The following DOCK6 variants were observed in gnomAD, a reference collection of about 807,000 sequenced individuals.
The protein encoded by DOCK6 is dedicator of cytokinesis protein 6.
In DOCK6, 167 loss-of-function variants were observed where a neutral mutation model predicts 230.3. That is an observed-to-expected ratio of 0.73 (90% CI 0.64 to 0.82). DOCK6 has a LOEUF of 0.82. DOCK6 is among the 40% of genes least tolerant of loss of function. The pLI is 0.00. For missense variants in DOCK6, 2,598 were observed against 2,825.8 expected, an observed-to-expected ratio of 0.92 and a Z score of 1.83; for synonymous variants, 1,148 against 1,185.0, an observed-to-expected ratio of 0.97 and a Z score of 0.64.
Position 11,211,973 on chromosome 19 carries a change from G to A in DOCK6, c.4650+20C>T, listed in dbSNP as rs568939018. On this transcript the variant is annotated intron_variant, in intron 36 of 47. Coordinates refer to ENST00000294618, the MANE Select transcript of DOCK6 (RefSeq NM_020812.4). ...GAGTTATATGAAGGGGAGGCGGGGC[G>A]GGGACCCAGCAGGTGTCACCTGCTC... The A allele has an allele frequency of 2.2e-5, 35 of 1,589,054 alleles. No homozygotes were observed. The highest frequency in any genetic ancestry group is 1.9e-4 in the South Asian group (17 of 88,764).
At chr19:11,237,223 G>C (rs1032307075) in intron 18 of DOCK6, 4 of 608,696 alleles carry the variant, frequency 6.6e-6, no homozygotes, top group Non-Finnish European at 8.8e-6. Flanking sequence ...CAGTGATCAG[G>C]AAGGCAGTCA....
chr19:11,219,328 C>T (rs1014406409), intron 28 of DOCK6, among the ~76,000 whole-genome samples: 4 of 150,560 alleles, frequency 2.7e-5, no homozygotes, highest in Admixed American at 6.6e-5. Flanking sequence ...GGATTACAGG[C>T]ATGCAGCATC....
chr19:11,252,590 T>C, intron 3 of DOCK6, 40 bp from the exon 4 acceptor site: 2 of 1,612,802 alleles, frequency 1.2e-6, no homozygotes, highest in South Asian at 2.2e-5. Context: ...AGACAAGGCC[T>C]CTGTGAATCC....
Position 11,202,283 on chromosome 19 carries a change from G to C in DOCK6, c.5451+111C>G. The C allele has an allele frequency of 7.0e-7, 1 of 1,437,642 alleles. No individual in the cohort carries two copies. Among genetic ancestry groups the C allele is most frequent in the South Asian group, 1.2e-5 (1 of 80,218 alleles). The allele number at this position is 1,437,642 out of a possible 1,614,324, so 89.1% of individuals were successfully genotyped here. A position where few individuals can be genotyped will look rare whatever the true frequency, so the allele number is the denominator to read the frequency against. On this transcript the variant is annotated intron_variant, in intron 43 of 47. Transcript: ENST00000294618. This position sits in a 1 kb window ranked among gnomAD's most constrained non-coding sequence, Gnocchi z 5.3. ...GAGGAATAGGTTTTGGGGTCCCTCA[G>C]TGAAATATGATTTGGGGTTTCCCAG...
chr19:11,237,536 C>G lies in DOCK6; in HGVS notation c.1993G>C (p.Gly665Arg). 1 of 1,575,510 alleles carries G rather than the reference C, an allele frequency of 6.3e-7. No homozygotes were observed. Among genetic ancestry groups the G allele is most frequent in the Non-Finnish European group, 8.6e-7 (1 of 1,158,360 alleles). The change falls in exon 18 of 48, where the codon GGG becomes CGG. Residue 665 changes from glycine (G) to arginine (R), a missense_variant. Physicochemically the swap from Gly to Arg is moderately radical, Grantham distance 125 (BLOSUM62 -2). Coordinates refer to ENST00000294618, the MANE Select transcript of DOCK6 (RefSeq NM_020812.4). ...CAGAAGGGGCCGGTCCTCAGGCGCCCGTGCTGCAGCAGTGGGATCCACTGG... is the reference window on the plus strand; with the variant it reads ...CAGAAGGGGCCGGTCCTCAGGCGCCGGTGCTGCAGCAGTGGGATCCACTGG... Reference protein sequence around the residue: ...GFTWIPLLQHGRLRTGPFCLP... With the variant: ...GFTWIPLLQHRRLRTGPFCLP...
intron 39 of DOCK6, among the ~76,000 whole-genome samples, chr19:11,207,243 G>T (rs2079277900): frequency 6.6e-6 from 1 of 151,990 alleles, no homozygotes; most frequent in Non-Finnish European, 1.5e-5. Context: ...ACATAGGTTG[G>T]AGTACAGTGG....
intron 14 of DOCK6, chr19:11,238,609 G>T (rs2079889654): frequency 5.9e-6 from 2 of 341,278 alleles, no homozygotes; most frequent in East Asian, 5.2e-5. Flanking sequence ...AGAAGGCAGA[G>T]AATAGCGAGG....
At chr19:11,245,963 G>A in intron 7 of DOCK6, 85 bp from the exon 8 acceptor site, 27 of 1,467,644 alleles carry the variant, frequency 1.8e-5, no homozygotes, top group Non-Finnish European at 2.5e-5. Flanking sequence ...CCAAGGTGGG[G>A]GGCATCTGAC....
At chr19:11,238,539 G>A (rs2079888540) in intron 14 of DOCK6, 2 of 534,492 alleles carry the variant, frequency 3.7e-6, no homozygotes, top group South Asian at 2.3e-5. Context: ...TGGGAACAGT[G>A]TGGTAGAGGG....
At position 11,251,058 on chromosome 19, in the gene DOCK6, G is replaced by A. The variant is rs778304629; in HGVS notation, c.536C>T (p.Pro179Leu). 20 of 1,612,624 alleles carry A rather than the reference G, an allele frequency of 1.2e-5. No individual in the cohort carries two copies. The highest frequency in any genetic ancestry group is 4.5e-5 in the East Asian group (2 of 44,814). Reference protein sequence around the residue: ...SNDSRRGSGSPEDTPRSSGAS... With the variant: ...SNDSRRGSGSLEDTPRSSGAS... ...ACCACTGCTTCGAGGGGTGTCTTCC[G>A]GGGAGCCCGAGCCACGCCGGGAGTC... The change falls in exon 6 of 48, where the codon CCG (proline) becomes CTG (leucine). Residue 179 changes from proline (P) to leucine (L), a missense_variant. By Grantham distance (98) the Pro-to-Leu change is moderately conservative (BLOSUM62 -3). Transcript: ENST00000294618.
Position 11,201,748 on chromosome 19 carries a change from G to T in DOCK6, c.5688+141C>A. On this transcript the variant is annotated intron_variant, in intron 44 of 47. Coordinates refer to ENST00000294618, the MANE Select transcript of DOCK6 (RefSeq NM_020812.4). The surrounding 1 kb of genome is among the most constrained non-coding windows in gnomAD (Gnocchi z 4.3). Reference sequence around the variant, plus strand: ...TCCCCTCCCTGGGGATCTGGTCTAGGGTCCCTGTGCCACCCCTCTCTGGGT... The same window carrying T: ...TCCCCTCCCTGGGGATCTGGTCTAGTGTCCCTGTGCCACCCCTCTCTGGGT... 1.3e-6 allele frequency: 1 copy of T among 777,040 alleles called. No homozygotes were observed. The highest frequency in any genetic ancestry group is 2.1e-6 in the Non-Finnish European group (1 of 486,484). 48.1% of individuals were successfully genotyped at this position (777,040 alleles called of 1,614,324 possible). A position where few individuals can be genotyped will look rare whatever the true frequency, so the allele number is the denominator to read the frequency against.
In DOCK6 at chr19:11,208,892, C is replaced by T. The variant is rs893902663; in HGVS notation, c.4944+19G>A. 6.3e-7 allele frequency: 1 copy of T among 1,596,882 alleles called. No individual in the cohort carries two copies. Among genetic ancestry groups the T allele is most frequent in the Admixed American group, 1.7e-5 (1 of 59,660 alleles). ...CTGCACTCGTGCCGTCCGCCACCTGCCAACCCCTGGCCACTCACCTGGAAG... is the reference window on the plus strand; with the variant it reads ...CTGCACTCGTGCCGTCCGCCACCTGTCAACCCCTGGCCACTCACCTGGAAG... On this transcript the variant is annotated intron_variant, in intron 38 of 47. Coordinates refer to ENST00000294618, the MANE Select transcript of DOCK6 (RefSeq NM_020812.4).
rs538681228 is a variant in DOCK6 at position 11,250,962 on chromosome 19, G to A, written c.632C>T (p.Ala211Val). The change falls in exon 6 of 48, where the codon GCC (alanine) becomes GTC (valine). Residue 211 changes from alanine to valine, a missense_variant. Ala to Val is a moderately conservative substitution (Grantham distance 64). Transcript: ENST00000294618. ...SLLPSLLERA[A>V]PEDVDRRNET... ...ATTGCGCCGGTCCACATCTTCTGGGGCCGCCCGCTCTAGCAGAGAGGGCAG... is the reference window on the plus strand; with the variant it reads ...ATTGCGCCGGTCCACATCTTCTGGGACCGCCCGCTCTAGCAGAGAGGGCAG... 1.1e-5 allele frequency: 17 copies of A among 1,613,770 alleles called. No individual in the cohort carries two copies. The highest frequency in any genetic ancestry group is 6.7e-5 in the Admixed American group (4 of 60,016).
At position 11,208,728 on chromosome 19, in the gene DOCK6, C is replaced by T. The variant is rs2079307442; in HGVS notation, c.5046G>A (p.Gly1682=). 6.2e-7 allele frequency: 1 copy of T among 1,613,638 alleles called. No homozygotes were observed. The highest frequency in any genetic ancestry group is 8.5e-7 in the Non-Finnish European group (1 of 1,179,674). The change falls in exon 39 of 48, where the codon GGG becomes GGA. Residue 1682 remains glycine (G), a synonymous_variant. Coordinates refer to ENST00000294618, the MANE Select transcript of DOCK6 (RefSeq NM_020812.4). ...CTGCCTGTTCCAGCAACCCTACCAG[C>T]CCCAGCTCAGTGAAGTGCTTCCCGG... is the stretch of plus-strand genomic sequence containing the variant. The part of the protein sequence containing the change: ...FCSGKHFTEL[G]LVGLLEQAAG...
chr19:11,257,972 C>T (rs2043303), intron 1 of DOCK6, among the ~76,000 whole-genome samples: 32,473 of 151,948 alleles, frequency 0.21, 3,734 homozygotes, highest in East Asian at 0.39. Context: ...ACAGAAAAAA[C>T]CATCTGTGAT....
At chr19:11,211,406 G>C (rs1172780620) in intron 37 of DOCK6, among the ~76,000 whole-genome samples, 4 of 151,638 alleles carry the variant, frequency 2.6e-5, no homozygotes, top group African/African-American at 9.7e-5. Context: ...CCCCTCACCT[G>C]TCCTGGCTCT....
chr19:11,203,805 C>T, intron 41 of DOCK6: 2 of 576,332 alleles, frequency 3.5e-6, no homozygotes, highest in Non-Finnish European at 6.2e-6. Flanking sequence ...CCGCCACCCC[C>T]CTGCAGTGAC....
chr19:11,215,665 G>T, intron 31 of DOCK6, 136 bp downstream of exon 31: 1 of 1,457,104 alleles, frequency 6.9e-7, no homozygotes, highest in Non-Finnish European at 9.5e-7. Context: ...CATGTGTACG[G>T]TGATGATTTG....
chr19:11,213,448 A>C, intron 34 of DOCK6, 120 bp from the exon 35 acceptor site: 1 of 1,408,122 alleles, frequency 7.1e-7, no homozygotes, highest in Middle Eastern at 2.5e-4. Context: ...TTGGCCAAGT[A>C]CCACTGGGTT....
Sources: gnomAD v4.1 joint callset for allele counts (sites outside exome capture counted in the v4.1 genomes callset) on GRCh38, gnomAD v4.1.1 for gene constraint, Gnocchi (gnomAD v3.1) non-coding constraint, MANE v1.5 for transcripts, NCBI Gene and HGNC (gene_info 2026-07-23, HGNC 2026-07-21) for gene names.